The following ATP8A2 variants were observed in gnomAD, a reference collection of about 807,000 sequenced individuals.
The protein encoded by ATP8A2 is ATPase phospholipid transporting 8A2.
A neutral mutation model predicts 165.6 loss-of-function variants in ATP8A2; 100 were observed. The observed-to-expected ratio is 0.60, with a 90% CI of 0.51 to 0.71. The LOEUF (loss-of-function observed/expected upper bound fraction) is 0.71. Among genes scored for constraint, ATP8A2 ranks in the 30% least tolerant of loss-of-function variants. The pLI is 0.00. For missense variants in ATP8A2, 1,227 were observed against 1,479.5 expected (o/e 0.83, Z 2.80); for synonymous variants, 543 against 548.8 (o/e 0.99, Z 0.15).
chr13:26,019,799 C>A, intron 36 of ATP8A2, 89 bp from the exon 37 acceptor site: 2 of 889,138 alleles, frequency 2.2e-6, no homozygotes, highest in Non-Finnish European at 3.7e-6. Context: ...CTCACCCGCA[C>A]GCTGCCAAAA....
chr13:25,749,306 G>T (rs1054000158), intron 25 of ATP8A2, among the ~76,000 whole-genome samples: 1 of 152,138 alleles, frequency 6.6e-6, no homozygotes, highest in Non-Finnish European at 1.5e-5. Flanking sequence ...GTGGAGGAGG[G>T]GGAAGTGAAG....
intron 27 of ATP8A2, among the ~76,000 whole-genome samples, chr13:25,817,619 A>G (rs930545773): frequency 1.3e-5 from 2 of 152,280 alleles, no homozygotes; most frequent in East Asian, 3.9e-4. Context: ...ATTTATTTCC[A>G]TGTAATAATT....
intron 31 of ATP8A2, 86 bp downstream of exon 31, chr13:25,860,342 CATT>C (rs1267244017): frequency 1.1e-5 from 8 of 698,430 alleles, no homozygotes; most frequent in South Asian, 7.9e-5. Flanking sequence ...GGGCCTTCCT[CATT>C]ATTATTATTT....
At chr13:25,837,760 A>G (rs1951654978) in intron 29 of ATP8A2, among the ~76,000 whole-genome samples, 1 of 152,186 alleles carries the variant, frequency 6.6e-6, no homozygotes, top group South Asian at 2.1e-4. Flanking sequence ...TTGACTAGAT[A>G]TGAACTCAGG....
At chr13:25,393,482 C>A (rs1266222121) in intron 1 of ATP8A2, among the ~76,000 whole-genome samples, 1 of 152,156 alleles carries the variant, frequency 6.6e-6, no homozygotes, top group Non-Finnish European at 1.5e-5. Flanking sequence ...GTGGTGCAAT[C>A]TCAGCTCACT....
intron 1 of ATP8A2, among the ~76,000 whole-genome samples, chr13:25,434,129 G>A (rs927518251): frequency 3.3e-5 from 5 of 152,108 alleles, no homozygotes; most frequent in South Asian, 2.1e-4. Flanking sequence ...AAGAAATCTC[G>A]CGCTTGTTGG....
intron 33 of ATP8A2, among the ~76,000 whole-genome samples, chr13:25,904,541 G>A (rs577920628): frequency 1.3e-5 from 2 of 152,280 alleles, no homozygotes; most frequent in East Asian, 3.9e-4. Flanking sequence ...TCTTCCCTTG[G>A]GTGTGTTGCT....
Position 25,447,043 on chromosome 13 carries a change from A to G in ATP8A2, c.77-21934A>G, listed in dbSNP as rs192764583. On this transcript the variant is annotated intron_variant, in intron 1 of 36. Transcript: ENST00000381655. Reference sequence around the variant, plus strand: ...GCCTTAAACCTAGTTCTAAACAACAATAAAACAATTAGAACATTCCTAATT... The same window carrying G: ...GCCTTAAACCTAGTTCTAAACAACAGTAAAACAATTAGAACATTCCTAATT... 3.9e-5 allele frequency among the ~76,000 whole-genome samples: 6 copies of G among 152,324 alleles called. 1 individual carries two copies. The highest frequency in any genetic ancestry group is 2.6e-4 in the Admixed American group (4 of 15,302).
intron 2 of ATP8A2, among the ~76,000 whole-genome samples, chr13:25,479,627 G>C (rs1471622405): frequency 6.6e-6 from 1 of 151,958 alleles, no homozygotes; most frequent in Non-Finnish European, 1.5e-5. Context: ...CCTAGGCAGA[G>C]GACCCTGAGG....
intron 13 of ATP8A2, among the ~76,000 whole-genome samples, chr13:25,558,525 C>T (rs2039048992): frequency 6.6e-6 from 1 of 152,176 alleles, no homozygotes; most frequent in Non-Finnish European, 1.5e-5. Context: ...AACACTGCTT[C>T]CCTAGACCAG....
At chr13:25,418,079 C>T (rs57085256) in intron 1 of ATP8A2, among the ~76,000 whole-genome samples, 40,596 of 152,032 alleles carry the variant, frequency 0.27, 5,640 homozygotes, top group East Asian at 0.46. Flanking sequence ...TCTCTCAACC[C>T]GCCTATTCCT....
At chr13:25,469,192 C>T (rs1268261754) in intron 2 of ATP8A2, 71 bp downstream of exon 2, 6 of 1,549,552 alleles carry the variant, frequency 3.9e-6, no homozygotes, top group Non-Finnish European at 5.2e-6. Flanking sequence ...TCCTCCTGCG[C>T]GGGGCTTGGC....
chr13:25,754,418 A>ATT (rs35661717), intron 25 of ATP8A2, among the ~76,000 whole-genome samples: 60 of 147,940 alleles, frequency 4.1e-4, no homozygotes, highest in African/African-American at 1.4e-3. Flanking sequence ...AAAGTATGCG[A>ATT]TTTTTTTTTT....
intron 1 of ATP8A2, among the ~76,000 whole-genome samples, chr13:25,404,741 T>A (rs760661440): frequency 2.0e-4 from 30 of 151,326 alleles, no homozygotes; most frequent in Non-Finnish European, 4.1e-4. Flanking sequence ...CTGATTGAGG[T>A]GTCTGTGTGG....
At chr13:25,516,590 T>C (rs77749609) in intron 2 of ATP8A2, among the ~76,000 whole-genome samples, 5,789 of 152,304 alleles carry the variant, frequency 0.038, 140 homozygotes, top group Non-Finnish European at 0.05. Flanking sequence ...ATTGTAATGA[T>C]TCCTGTACTT....
At chr13:25,523,024 C>T (rs1174269801) in intron 2 of ATP8A2, among the ~76,000 whole-genome samples, 1 of 151,532 alleles carries the variant, frequency 6.6e-6, no homozygotes, top group Non-Finnish European at 1.5e-5. Context: ...ACTCTGGAGG[C>T]TGAGGCTACC....
intron 1 of ATP8A2, among the ~76,000 whole-genome samples, chr13:25,420,896 G>T (rs1056426009): frequency 5.9e-5 from 9 of 152,158 alleles, no homozygotes; most frequent in African/African-American, 1.9e-4. Flanking sequence ...GGTTTAACTG[G>T]TGTGGCTATA....
At chr13:25,748,526 T>G (rs1441127781) in intron 25 of ATP8A2, among the ~76,000 whole-genome samples, 1 of 152,266 alleles carries the variant, frequency 6.6e-6, no homozygotes, top group Non-Finnish European at 1.5e-5. Flanking sequence ...CCCATCCAGC[T>G]TTCATCCTGA....
intron 33 of ATP8A2, among the ~76,000 whole-genome samples, chr13:25,909,195 A>G (rs767858619): frequency 2.0e-5 from 3 of 152,194 alleles, no homozygotes; most frequent in South Asian, 2.1e-4. Flanking sequence ...GTGACATACT[A>G]GTCCCCCAAA....
Sources: gnomAD v4.1 joint callset for allele counts (sites outside exome capture counted in the v4.1 genomes callset) on GRCh38, gnomAD v4.1.1 for gene constraint, MANE v1.5 for transcripts, NCBI Gene and HGNC (gene_info 2026-07-23, HGNC 2026-07-21) for gene names.